MACROD2: variants seen among roughly 807,000 people sequenced by gnomAD.
MACROD2 encodes ADP-ribose glycohydrolase MACROD2.
Under a neutral mutation model 70.4 loss-of-function variants are expected in MACROD2, and 36 were observed. The ratio of observed to expected loss-of-function variants is 0.51; its 90% confidence interval spans 0.39 to 0.68. The LOEUF is 0.68. Among genes scored for constraint, MACROD2 ranks in the 30% least tolerant of loss-of-function variants. The pLI, the probability that MACROD2 is intolerant of heterozygous loss-of-function variation, is 0.00. For missense variants in MACROD2, 496 were observed against 538.4 expected (o/e 0.92, Z 0.78); for synonymous variants, 172 against 178.8 (o/e 0.96, Z 0.30).
chr20:14,401,823 T>C (rs552785873), intron 3 of MACROD2, among the ~76,000 whole-genome samples: 1 of 152,304 alleles, frequency 6.6e-6, no homozygotes, highest in African/African-American at 2.4e-5. Context: ...ATAATTGTTT[T>C]ATTTCATATT....
At chr20:15,897,124 G>A (rs2064984935) in intron 10 of MACROD2, among the ~76,000 whole-genome samples, 1 of 152,016 alleles carries the variant, frequency 6.6e-6, no homozygotes, top group Non-Finnish European at 1.5e-5. Context: ...GGTTCCTTTA[G>A]TGAAAGTCTC....
At chr20:16,048,479 A>T (rs765927507) in intron 17 of MACROD2, among the ~76,000 whole-genome samples, 1 of 152,188 alleles carries the variant, frequency 6.6e-6, no homozygotes, top group Non-Finnish European at 1.5e-5. Flanking sequence ...GTTAAGTTCA[A>T]TAAGAGTTCT....
chr20:14,786,871 C>T (rs117671136), intron 5 of MACROD2, among the ~76,000 whole-genome samples: 5,122 of 152,066 alleles, frequency 0.034, 128 homozygotes, highest in Non-Finnish European at 0.049. Flanking sequence ...CCTCCAAATA[C>T]GTATAAAGAA....
intron 5 of MACROD2, chr20:14,894,578 T>C (rs967497377): frequency 6.6e-6 from 1 of 152,168 alleles, no homozygotes; most frequent in African/African-American, 2.4e-5. Context: ...CCAAATACAG[T>C]CAAATTCATT....
At chr20:15,736,771 C>CT (rs953476225) in intron 8 of MACROD2, among the ~76,000 whole-genome samples, 1 of 152,168 alleles carries the variant, frequency 6.6e-6, no homozygotes, top group Admixed American at 6.5e-5. Context: ...TGAGGGCTGA[C>CT]TTTAAGTAGC....
intron 5 of MACROD2, among the ~76,000 whole-genome samples, chr20:14,834,456 G>A (rs745886900): frequency 1.3e-5 from 2 of 151,902 alleles, no homozygotes; most frequent in Non-Finnish European, 2.9e-5. Context: ...AGATTGATCC[G>A]TAGTGGTATA....
At chr20:15,647,125 C>T (rs186924964) in intron 8 of MACROD2, among the ~76,000 whole-genome samples, 10 of 152,234 alleles carry the variant, frequency 6.6e-5, no homozygotes, top group Admixed American at 3.9e-4. Context: ...ACAGAACAGT[C>T]GGTGAGAATA....
chr20:15,456,462 C>T lies in MACROD2; in HGVS notation c.571+25027C>T, dbSNP rs149861999. 3.1e-3 allele frequency among the ~76,000 whole-genome samples: 468 copies of T among 152,282 alleles called. 3 individuals are homozygous for T. Among genetic ancestry groups the T allele is most frequent in the African/African-American group, 0.01 (433 of 41,570 alleles). ...TGACTGCCTTCACTGCATTCAGGCA[C>T]AACTATTTATGATTAGGAATCAAAC... On this transcript the variant is annotated intron_variant, in intron 7 of 17. Coordinates refer to ENST00000684519, the MANE Select transcript of MACROD2 (RefSeq NM_001351661.2).
At chr20:15,020,060 T>C (rs983949592) in intron 5 of MACROD2, among the ~76,000 whole-genome samples, 1 of 152,144 alleles carries the variant, frequency 6.6e-6, no homozygotes, top group Non-Finnish European at 1.5e-5. Context: ...AAATACGTAT[T>C]GATAAAAAAG....
chr20:15,100,995 G>A (rs981933523), intron 5 of MACROD2, among the ~76,000 whole-genome samples: 32 of 152,038 alleles, frequency 2.1e-4, no homozygotes, highest in African/African-American at 7.7e-4. Flanking sequence ...ACCTTGCTTG[G>A]TCCATAGCAG....
chr20:14,516,796 A>G (rs1306762997), intron 4 of MACROD2, among the ~76,000 whole-genome samples: 6 of 152,140 alleles, frequency 3.9e-5, no homozygotes, highest in Non-Finnish European at 8.8e-5. Flanking sequence ...TATCCATCTG[A>G]CAAAGGGCTA....
chr20:15,928,182 G>C (rs2065519906), intron 10 of MACROD2, among the ~76,000 whole-genome samples: 1 of 152,180 alleles, frequency 6.6e-6, no homozygotes, highest in African/African-American at 2.4e-5. Flanking sequence ...CAAGGCTGAT[G>C]GGCATGATTA....
chr20:14,081,096 G>A (rs1256137721), intron 2 of MACROD2, among the ~76,000 whole-genome samples: 2 of 152,146 alleles, frequency 1.3e-5, no homozygotes, highest in African/African-American at 2.4e-5. Flanking sequence ...ATCTTGCTAA[G>A]TTAGTTAAGA....
chr20:15,784,919 T>C (rs1359266643), intron 8 of MACROD2, among the ~76,000 whole-genome samples: 1 of 151,874 alleles, frequency 6.6e-6, no homozygotes, highest in East Asian at 1.9e-4. Context: ...GAGGCCAAGA[T>C]GGGCAGATCA....
chr20:14,836,109 A>G (rs1393328305), intron 5 of MACROD2, among the ~76,000 whole-genome samples: 2 of 152,082 alleles, frequency 1.3e-5, no homozygotes, highest in Non-Finnish European at 2.9e-5. Context: ...AAAAAAAACC[A>G]CAACACCATA....
chr20:15,932,859 C>G (rs542334963), intron 10 of MACROD2, among the ~76,000 whole-genome samples: 2 of 151,840 alleles, frequency 1.3e-5, no homozygotes, highest in Non-Finnish European at 2.9e-5. Context: ...GAAAATTGAC[C>G]TTTTTTTTGC....
At chr20:15,865,722 A>G (rs976810926) in intron 9 of MACROD2, among the ~76,000 whole-genome samples, 3 of 152,170 alleles carry the variant, frequency 2.0e-5, no homozygotes, top group African/African-American at 7.2e-5. Context: ...GGCATTTATT[A>G]CTCACAAGTC....
chr20:14,819,822 G>C (rs1023955736), intron 5 of MACROD2, among the ~76,000 whole-genome samples: 6 of 152,078 alleles, frequency 3.9e-5, no homozygotes, highest in African/African-American at 1.4e-4. Flanking sequence ...GGACAATGTG[G>C]CTGGGACATT....
In MACROD2 at chr20:15,170,949, G is replaced by T. The variant is rs78717560; in HGVS notation, c.419-58991G>T. Reference sequence around the variant, plus strand: ...AGGGCTGTTGAGCACCAGGCAGTTAGCCTGGGTGGAAAGTTTTACTCAGTA... The same window carrying T: ...AGGGCTGTTGAGCACCAGGCAGTTATCCTGGGTGGAAAGTTTTACTCAGTA... On this transcript the variant is annotated intron_variant, in intron 5 of 17. Transcript: ENST00000684519. Among the ~76,000 whole-genome samples the T allele has an allele frequency of 1.8e-4, 28 of 152,268 alleles. No individual in the cohort carries two copies. In the East Asian group the frequency reaches 4.5e-3, roughly 24 times the overall value.
Sources: gnomAD v4.1 joint callset for allele counts (sites outside exome capture counted in the v4.1 genomes callset) on GRCh38, gnomAD v4.1.1 for gene constraint, MANE v1.5 for transcripts, NCBI Gene and HGNC (gene_info 2026-07-23, HGNC 2026-07-21) for gene names.